PDLIM1: variants seen among roughly 807,000 people sequenced by gnomAD.
PDLIM1 encodes PDZ and LIM domain protein 1.
A neutral mutation model predicts 35.2 loss-of-function variants in PDLIM1; 25 were observed. The ratio of observed to expected loss-of-function variants is 0.71; its 90% CI spans 0.52 to 0.99. The LOEUF (loss-of-function observed/expected upper bound fraction) is 0.99, where lower values mean the gene tolerates loss of function less well. PDLIM1 is among the 50% of genes least tolerant of loss of function. The pLI, the probability that PDLIM1 is intolerant of heterozygous loss-of-function variation, is 0.00. For synonymous variants in PDLIM1, 152 were observed against 154.0 expected, an observed-to-expected ratio of 0.99 and a Z score of 0.10; for missense variants, 363 against 415.3, an observed-to-expected ratio of 0.87 and a Z score of 1.09.
intron 4 of PDLIM1, among the ~76,000 whole-genome samples, chr10:95,254,558 T>G (rs958860868): frequency 3.9e-5 from 6 of 152,182 alleles, no homozygotes; most frequent in African/African-American, 1.4e-4. Context: ...AAGACTTCTA[T>G]ACCCCTCTCT....
intron 5 of PDLIM1, among the ~76,000 whole-genome samples, chr10:95,245,263 G>A (rs571847881): frequency 1.3e-5 from 2 of 152,284 alleles, no homozygotes; most frequent in South Asian, 4.1e-4. Context: ...ATCTGAAATT[G>A]GAACTCCCCG....
At chr10:95,254,679 G>GTCCCAAATA (rs1368493484) in intron 4 of PDLIM1, among the ~76,000 whole-genome samples, 55 of 152,168 alleles carry the variant, frequency 3.6e-4, no homozygotes, top group African/African-American at 1.3e-3. Flanking sequence ...TACTTTGGGA[G>GTCCCAAATA]GTCAATGCAG....
chr10:95,270,762 T>C lies in PDLIM1; in HGVS notation c.248+871A>G, dbSNP rs546712523. On this transcript the variant is annotated intron_variant, in intron 2 of 6. Coordinates refer to ENST00000329399, the MANE Select transcript of PDLIM1 (RefSeq NM_020992.4). Reference sequence around the variant, plus strand: ...AGCAGCAGCATCCTAAGGACATTTTTTTTTTTGAGATGGAGTTTCGCTCTG... The same window carrying C: ...AGCAGCAGCATCCTAAGGACATTTTCTTTTTTGAGATGGAGTTTCGCTCTG... Among the ~76,000 whole-genome samples the C allele has an allele frequency of 4.1e-4, 63 of 152,184 alleles. 1 individual carries two copies. Among genetic ancestry groups the C allele is most frequent in the African/African-American group, 1.4e-3 (58 of 41,504 alleles).
chr10:95,256,437 T>C (rs2035311118), intron 4 of PDLIM1, among the ~76,000 whole-genome samples: 1 of 152,190 alleles, frequency 6.6e-6, no homozygotes, highest in South Asian at 2.1e-4. Flanking sequence ...CGTCCTTATT[T>C]CAAAACATTT....
intron 4 of PDLIM1, among the ~76,000 whole-genome samples, chr10:95,261,693 G>C (rs1296336544): frequency 2.6e-5 from 4 of 152,124 alleles, no homozygotes; most frequent in African/African-American, 9.7e-5. Flanking sequence ...TGCCCTACCA[G>C]ACTCAAAGAA....
chr10:95,265,223 A>C (rs1464224295), intron 3 of PDLIM1, among the ~76,000 whole-genome samples: 1 of 151,278 alleles, frequency 6.6e-6, no homozygotes, highest in African/African-American at 2.4e-5. Context: ...AAAAAAAAAA[A>C]TCATGAAAAC....
In PDLIM1 at chr10:95,270,214, T is replaced by G. The variant is rs541213836; in HGVS notation, c.249-1352A>C. On this transcript the variant is annotated intron_variant, in intron 2 of 6. Coordinates refer to ENST00000329399, the MANE Select transcript of PDLIM1 (RefSeq NM_020992.4). Reference sequence around the variant, plus strand: ...AATGGAGATGAGAATGAAGGGCAGATGTGCTTTTGAGGGGGTAGTAATAAC... The same window carrying G: ...AATGGAGATGAGAATGAAGGGCAGAGGTGCTTTTGAGGGGGTAGTAATAAC... Among the ~76,000 whole-genome samples, 12 of 152,152 alleles carry G rather than the reference T, an allele frequency of 7.9e-5. 1 individual carries two copies. The South Asian group carries it at 2.5e-3, about 32-fold the overall frequency.
intron 1 of PDLIM1, among the ~76,000 whole-genome samples, chr10:95,276,319 G>A (rs45496692): frequency 0.01 from 1,534 of 152,144 alleles, 29 homozygotes; most frequent in African/African-American, 0.035. Flanking sequence ...AAAAATCCAG[G>A]AGACTCATCT....
intron 1 of PDLIM1, among the ~76,000 whole-genome samples, chr10:95,272,101 G>A (rs1473973509): frequency 6.6e-6 from 1 of 151,886 alleles, no homozygotes; most frequent in African/African-American, 2.4e-5. Context: ...TATATTACTG[G>A]TCCTCCAACT....
intron 4 of PDLIM1, among the ~76,000 whole-genome samples, chr10:95,256,974 TA>T (rs1186043233): frequency 0.011 from 192 of 17,326 alleles, 4 homozygotes; most frequent in Middle Eastern, 0.045. Context: ...GACTTCATCT[TA>T]AAAAAAAAAA....
chr10:95,290,735 T>C lies in PDLIM1; in HGVS notation c.96+85A>G. ...GCGCCCGGCTGCGGTTCCGACTCCG[T>C]CCCCGACCGCGCCCGCGGGGCCCCA... On this transcript the variant is annotated intron_variant, in intron 1 of 6. Coordinates refer to ENST00000329399, the MANE Select transcript of PDLIM1 (RefSeq NM_020992.4). This position sits in a 1 kb window ranked among gnomAD's most constrained non-coding sequence, Gnocchi z 4.7. The C allele has an allele frequency of 2.2e-6, 2 of 929,210 alleles. No individual in the cohort carries two copies. Among genetic ancestry groups the C allele is most frequent in the Non-Finnish European group, 3.1e-6 (2 of 645,706 alleles). 57.6% of individuals were successfully genotyped at this position (929,210 alleles called of 1,614,324 possible). A position where few individuals can be genotyped will look rare whatever the true frequency, so the allele number is the denominator to read the frequency against.
chr10:95,252,418 A>C lies in PDLIM1; in HGVS notation c.534-5052T>G, dbSNP rs116039357. Among the ~76,000 whole-genome samples, 741 of 152,310 alleles carry C rather than the reference A, an allele frequency of 4.9e-3. 7 individuals carry two copies. The highest frequency in any genetic ancestry group is 0.017 in the African/African-American group (704 of 41,572). On this transcript the variant is annotated intron_variant, in intron 4 of 6. Transcript: ENST00000329399. ...AATGAGGCAGCATCCCCAATCCCAT[A>C]TCTGAGAGGAAGCCAGTGAATACAG...
intron 1 of PDLIM1, among the ~76,000 whole-genome samples, chr10:95,279,306 TATTA>T (rs565860104): frequency 2.3e-3 from 352 of 152,344 alleles, no homozygotes; most frequent in African/African-American, 8.3e-3. Context: ...TTCTTGCAGC[TATTA>T]ATTTTCTGAC....
chr10:95,246,419 G>A (rs2035222165), intron 5 of PDLIM1, among the ~76,000 whole-genome samples: 1 of 152,190 alleles, frequency 6.6e-6, no homozygotes, highest in African/African-American at 2.4e-5. Context: ...TGTCTTCAGT[G>A]AGAAGCATGT....
intron 4 of PDLIM1, among the ~76,000 whole-genome samples, chr10:95,253,986 G>A (rs1028697698): frequency 6.6e-6 from 1 of 151,716 alleles, no homozygotes; most frequent in Non-Finnish European, 1.5e-5. Flanking sequence ...GTTATACAAA[G>A]ACATAGAATA....
chr10:95,271,567 G>A (rs2035465240), intron 2 of PDLIM1, 66 bp downstream of exon 2: 3 of 1,398,162 alleles, frequency 2.1e-6, no homozygotes, highest in African/African-American at 2.9e-5. Flanking sequence ...GATAGGGAAG[G>A]CAGTCCCTGC....
chr10:95,255,900 TACACACACACACACACAC>T (rs59292355), intron 4 of PDLIM1, among the ~76,000 whole-genome samples: 5 of 138,880 alleles, frequency 3.6e-5, no homozygotes, highest in South Asian at 2.5e-4. Context: ...CCCCCCCCAC[TACACACACACACACACAC>T]ACACACACAC....
At chr10:95,277,668 TA>T (rs1348162358) in intron 1 of PDLIM1, among the ~76,000 whole-genome samples, 1 of 114,886 alleles carries the variant, frequency 8.7e-6, no homozygotes, top group African/African-American at 3.1e-5. Context: ...AATAAAACAG[TA>T]AACGGGTTTA....
intron 1 of PDLIM1, among the ~76,000 whole-genome samples, chr10:95,274,286 A>C (rs1475515852): frequency 7.3e-6 from 1 of 137,378 alleles, no homozygotes; most frequent in Admixed American, 7.8e-5. Flanking sequence ...ATACCCCCAC[A>C]GTCATCCTTT....
Sources: gnomAD v4.1 joint callset for allele counts (sites outside exome capture counted in the v4.1 genomes callset) on GRCh38, gnomAD v4.1.1 for gene constraint, Gnocchi (gnomAD v3.1) non-coding constraint, MANE v1.5 for transcripts, NCBI Gene and HGNC (gene_info 2026-07-23, HGNC 2026-07-21) for gene names.